Variants in ZNF496 observed in about 807,000 individuals in gnomAD.
ZNF496 encodes zinc finger protein 496, also known as NSD1 (nuclear receptor binding SET-domain containing 1)-interacting zinc finger protein 1.
Under a neutral mutation model 58.9 loss-of-function variants are expected in ZNF496, and 11 were observed. The observed-to-expected ratio is 0.19, with a 90% CI of 0.12 to 0.31. ZNF496 has a LOEUF of 0.31. Among genes scored for constraint, ZNF496 ranks in the 10% least tolerant of loss-of-function variants. The pLI, the probability that ZNF496 is intolerant of heterozygous loss-of-function variation, is 1.00. For missense variants in ZNF496, 660 were observed against 783.0 expected (o/e 0.84, Z 1.88); for synonymous variants, 338 against 318.2 (o/e 1.06, Z -0.66).
intron 9 of ZNF496, among the ~76,000 whole-genome samples, chr1:247,302,827 T>A (rs765979368): frequency 5.9e-5 from 9 of 152,188 alleles, no homozygotes; most frequent in Non-Finnish European, 1.3e-4. Context: ...GTGGACCTCA[T>A]GGGGTGGAGA....
intron 9 of ZNF496, among the ~76,000 whole-genome samples, chr1:247,306,497 GTTT>G (rs35122206): frequency 6.9e-6 from 1 of 144,392 alleles, no homozygotes; most frequent in Non-Finnish European, 1.5e-5. Flanking sequence ...GCACCTGGCC[GTTT>G]TTTTTTTCTT....
intron 9 of ZNF496, among the ~76,000 whole-genome samples, chr1:247,302,096 A>T (rs941939555): frequency 3.9e-5 from 6 of 152,238 alleles, no homozygotes; most frequent in African/African-American, 1.4e-4. Context: ...CTTATGGAGC[A>T]GAGCCCACCA....
rs1572075490 is a variant in ZNF496, at chr1:247,308,338, C to T, written c.1006+137G>A. On this transcript the variant is annotated intron_variant, in intron 9 of 9. Coordinates refer to ENST00000682384, the MANE Select transcript of ZNF496 (RefSeq NM_032752.3). The surrounding 1 kb of genome is among the most constrained non-coding windows in gnomAD (Gnocchi z 4.5). ...TGCACACACTCACACATGCAGCACA[C>T]CACATATACCACATGTGTATGCACG... 2 of 793,466 alleles carry T rather than the reference C, an allele frequency of 2.5e-6. No individual in the cohort carries two copies. Among genetic ancestry groups the T allele is most frequent in the East Asian group, 2.5e-5 (1 of 39,406 alleles). 49.2% of individuals were successfully genotyped at this position (793,466 alleles called of 1,614,324 possible). A position where few individuals can be genotyped will look rare whatever the true frequency, so the allele number is the denominator to read the frequency against.
At chr1:247,318,239 TAC>T (rs890737853) in intron 6 of ZNF496, among the ~76,000 whole-genome samples, 62 of 152,186 alleles carry the variant, frequency 4.1e-4, no homozygotes, top group African/African-American at 1.4e-3. Context: ...CTTTATAAAT[TAC>T]ACAGTTTCTA....
chr1:247,327,739 GC>G (rs538437558), intron 5 of ZNF496, among the ~76,000 whole-genome samples: 1 of 137,954 alleles, frequency 7.2e-6, no homozygotes, highest in South Asian at 2.2e-4. Flanking sequence ...GTCTCCCCTG[GC>G]CCCCCAGACA....
intron 6 of ZNF496, chr1:247,311,779 G>T (rs1044046112): frequency 6.6e-6 from 1 of 152,256 alleles, no homozygotes; most frequent in Non-Finnish European, 1.5e-5. Context: ...CCTTGAGGTG[G>T]TTCTCTGCAG....
At chr1:247,327,941 T>C (rs955862523) in intron 5 of ZNF496, among the ~76,000 whole-genome samples, 12 of 152,156 alleles carry the variant, frequency 7.9e-5, no homozygotes, top group African/African-American at 2.7e-4. Flanking sequence ...GTACTTAAAG[T>C]TTTGGGCACC....
rs1659488651 is a variant in ZNF496, at chr1:247,308,474, C to T, written c.1006+1G>A. ...CCCATACCTCCCTGACCCTTCTTTA[C>T]CTGGGTAGGTGTTTTGAGGCACCAC... On this transcript the variant is annotated splice_donor_variant, in intron 9 of 9. Transcript: ENST00000682384. LOFTEE classifies it high-confidence loss of function. This position sits in a 1 kb window ranked among gnomAD's most constrained non-coding sequence, Gnocchi z 4.5. 1 of 1,613,972 alleles carries T rather than the reference C, an allele frequency of 6.2e-7. No individual in the cohort carries two copies. The highest frequency in any genetic ancestry group is 8.5e-7 in the Non-Finnish European group (1 of 1,179,868).
At chr1:247,325,698 T>C (rs754256128) in intron 5 of ZNF496, among the ~76,000 whole-genome samples, 3 of 152,268 alleles carry the variant, frequency 2.0e-5, no homozygotes, top group Non-Finnish European at 4.4e-5. Context: ...TCTCGCTATG[T>C]TGCCCAGGCT....
intron 6 of ZNF496, 56 bp from the exon 7 acceptor site, chr1:247,310,512 T>G: frequency 6.2e-7 from 1 of 1,604,554 alleles, no homozygotes; most frequent in Non-Finnish European, 8.5e-7. Context: ...GGTGTCTCAG[T>G]CTTAGTCCAC....
At chr1:247,307,780 A>C (rs1659463159) in intron 9 of ZNF496, 1 of 985,264 alleles carries the variant, frequency 1.0e-6, no homozygotes, top group Non-Finnish European at 1.2e-6. Flanking sequence ...CTACAATGAC[A>C]CGTGGGTTCA....
chr1:247,297,556 GCC>G lies in ZNF496; in HGVS notation c.*2961_*2962del, dbSNP rs2103012806. The G allele has an allele frequency of 6.6e-6, 1 of 152,462 alleles. No homozygotes were observed. Among genetic ancestry groups the G allele is most frequent in the Non-Finnish European group, 1.5e-5 (1 of 68,130 alleles). 9.4% of individuals were successfully genotyped at this position (152,462 alleles called of 1,614,324 possible). ...ACACAAAGCTCCAGCCAGCTGCCCA[GCC>G]CCTGGGGTGGGAGGGAAGGATCGAG... On this transcript the variant is annotated 3_prime_UTR_variant, in exon 10 of 10. Coordinates refer to ENST00000682384, the MANE Select transcript of ZNF496 (RefSeq NM_032752.3).
At chr1:247,302,171 G>C (rs1659263602) in intron 9 of ZNF496, among the ~76,000 whole-genome samples, 1 of 152,166 alleles carries the variant, frequency 6.6e-6, no homozygotes, top group African/African-American at 2.4e-5. Context: ...TGGGGGGAGT[G>C]AACCAGGCCC....
rs778386242 is a variant in ZNF496, at chr1:247,329,375, C to T, written c.204G>A (p.Gly68=). Reference sequence around the variant, plus strand: ...TGTGCCTCTCAGGCCGCAGCCAGCCCCCGCACAGGTCCCAGAGGCGCTGCA... The same window carrying T: ...TGTGCCTCTCAGGCCGCAGCCAGCCTCCGCACAGGTCCCAGAGGCGCTGCA... ...EALQRLWDLC[G]GWLRPERHTK... The change falls in exon 4 of 10, where the codon GGG becomes GGA. Residue 68 remains glycine (G), a synonymous_variant. Transcript: ENST00000682384. The surrounding 1 kb of genome is among the most constrained non-coding windows in gnomAD (Gnocchi z 5.5). 1 of 1,613,538 alleles carries T rather than the reference C, an allele frequency of 6.2e-7. No individual in the cohort carries two copies. The highest frequency in any genetic ancestry group is 1.1e-5 in the South Asian group (1 of 91,082).
intron 9 of ZNF496, chr1:247,307,652 A>G: frequency 1.0e-6 from 1 of 985,382 alleles, no homozygotes; most frequent in Non-Finnish European, 1.2e-6. Context: ...TCCATGCATG[A>G]AAGGGGGCCA....
At chr1:247,321,142 C>A (rs1161776303) in intron 6 of ZNF496, among the ~76,000 whole-genome samples, 1 of 151,884 alleles carries the variant, frequency 6.6e-6, no homozygotes, top group East Asian at 1.9e-4. Context: ...AGCCACTACA[C>A]TTCAGCCTGG....
At chr1:247,303,229 T>C (rs1659302909) in intron 9 of ZNF496, among the ~76,000 whole-genome samples, 1 of 152,190 alleles carries the variant, frequency 6.6e-6, no homozygotes, top group Non-Finnish European at 1.5e-5. Context: ...CACAGCAAGA[T>C]GGGAGCCGTC....
At chr1:247,307,395 A>G (rs1659447956) in intron 9 of ZNF496, 5 of 985,458 alleles carry the variant, frequency 5.1e-6, no homozygotes, top group Middle Eastern at 1.0e-3. Context: ...GTATAAATGA[A>G]CATCCATCCA....
In ZNF496 at chr1:247,299,732, T is replaced by A. The variant is rs1466430655; in HGVS notation, c.*787A>T. On this transcript the variant is annotated 3_prime_UTR_variant, in exon 10 of 10. Transcript: ENST00000682384. ...GCATTTACCAAGGATCTTTGGGGTA[T>A]AAAGACATTATGGGGTAGGTGTGCA... The A allele has an allele frequency of 6.6e-6, 1 of 152,274 alleles. No individual in the cohort carries two copies. Among genetic ancestry groups the A allele is most frequent in the Non-Finnish European group, 1.5e-5 (1 of 68,052 alleles). 9.4% of individuals were successfully genotyped at this position (152,274 alleles called of 1,614,324 possible). A position where few individuals can be genotyped will look rare whatever the true frequency, so the allele number is the denominator to read the frequency against.
Sources: allele counts gnomAD v4.1 joint callset (sites outside exome capture counted in the v4.1 genomes callset), GRCh38; gene constraint gnomAD v4.1.1; non-coding constraint Gnocchi (gnomAD v3.1); transcripts MANE v1.5; gene names NCBI Gene and HGNC (gene_info 2026-07-23, HGNC 2026-07-21).